Variants in GMEB2 observed in about 807,000 individuals in gnomAD.
GMEB2 encodes glucocorticoid modulatory element-binding protein 2.
A neutral mutation model predicts 45.7 loss-of-function variants in GMEB2; 7 were observed. The observed-to-expected ratio is 0.15, with a 90% CI of 0.09 to 0.29. GMEB2 has a LOEUF of 0.29. GMEB2 is among the 10% of genes least tolerant of loss of function. The probability of loss-of-function intolerance (pLI) is 1.00; values close to 1 mark genes in which losing one functional copy is unlikely to be tolerated. For missense variants in GMEB2, 582 were observed against 739.2 expected (o/e 0.79, Z 2.47); for synonymous variants, 322 against 323.6 (o/e 1.00, Z 0.05).
At chr20:63,601,806 GGCCTGTGGCTTCTGTGCT>G (rs1569052187) in intron 4 of GMEB2, among the ~76,000 whole-genome samples, 4 of 149,004 alleles carry the variant, frequency 2.7e-5, no homozygotes, top group East Asian at 2.0e-4. Flanking sequence ...GCTTCTGTGG[GGCCTGTGGCTTCTGTGCT>G]GCCTGTGGCT....
At chr20:63,616,979 T>G (rs1164419581) in intron 2 of GMEB2, among the ~76,000 whole-genome samples, 3 of 142,840 alleles carry the variant, frequency 2.1e-5, no homozygotes, top group Admixed American at 1.4e-4. Flanking sequence ...CTTCTGGTGG[T>G]TTTTTTTTTT....
At chr20:63,595,245 A>C (rs2083184796) in intron 6 of GMEB2, among the ~76,000 whole-genome samples, 1 of 36,848 alleles carries the variant, frequency 2.7e-5, no homozygotes, top group African/African-American at 1.1e-4. Context: ...CCAGGTCAGG[A>C]GGGAAGCGGG....
intron 5 of GMEB2, among the ~76,000 whole-genome samples, chr20:63,596,702 T>C (rs1459165598): frequency 6.6e-6 from 1 of 152,172 alleles, no homozygotes; most frequent in African/African-American, 2.4e-5. Flanking sequence ...CCACAAAGAC[T>C]GAGACTGAGG....
At chr20:63,597,918 C>A in intron 4 of GMEB2, 58 bp from the exon 5 acceptor site, 1 of 966,662 alleles carries the variant, frequency 1.0e-6, no homozygotes, top group South Asian at 1.3e-5. Context: ...TAGGGTGCCC[C>A]CATCTCCCAT....
At chr20:63,606,566 C>A (rs1269417383) in intron 2 of GMEB2, among the ~76,000 whole-genome samples, 1 of 152,154 alleles carries the variant, frequency 6.6e-6, no homozygotes, top group Non-Finnish European at 1.5e-5. Context: ...CCAGGATGGT[C>A]TCGATCTCCT....
Position 63,619,251 on chromosome 20 carries a change from C to G in GMEB2, c.131+16G>C. On this transcript the variant is annotated intron_variant, in intron 2 of 9. Coordinates refer to ENST00000370077, the MANE Select transcript of GMEB2 (RefSeq NM_012384.5). This position sits in a 1 kb window ranked among gnomAD's most constrained non-coding sequence, Gnocchi z 4.6. ...AAGCCCCCATCAGCCCCAATGGCAC[C>G]GAGGCCCGAGCTTACCCGTGAGGGG... The G allele has an allele frequency of 6.3e-7, 1 of 1,599,030 alleles. No homozygotes were observed. The highest frequency in any genetic ancestry group is 8.5e-7 in the Non-Finnish European group (1 of 1,174,224).
At position 63,589,430 on chromosome 20, in the gene GMEB2, C is replaced by T. The variant is rs150366399; in HGVS notation, c.*659G>A. On this transcript the variant is annotated 3_prime_UTR_variant, in exon 10 of 10. Coordinates refer to ENST00000370077, the MANE Select transcript of GMEB2 (RefSeq NM_012384.5). ...GTGCAACAATGCCTGGACCACGCCT[C>T]GTCTGTGCGGCCCCTGGGCCACCTG... 3.0e-4 allele frequency: 107 copies of T among 361,474 alleles called. 2 individuals carry two copies. Among genetic ancestry groups the T allele is most frequent in the Admixed American group, 1.7e-3 (37 of 21,390 alleles). The allele number at this position is 361,474 out of a possible 1,614,324, so 22.4% of individuals were successfully genotyped here.
At chr20:63,606,730 T>A (rs6122134) in intron 2 of GMEB2, among the ~76,000 whole-genome samples, 76,745 of 152,122 alleles carry the variant, frequency 0.5, 20,483 homozygotes, top group Middle Eastern at 0.66. Context: ...TATTTCCTGA[T>A]ATGACATAAA....
In GMEB2 at chr20:63,619,168, A is replaced by C. The variant is rs1317744485; in HGVS notation, c.131+99T>G. 9.0e-6 allele frequency: 11 copies of C among 1,225,680 alleles called. No homozygotes were observed. Among genetic ancestry groups the C allele is most frequent in the Non-Finnish European group, 5.5e-6 (5 of 904,868 alleles). 75.9% of individuals were successfully genotyped at this position (1,225,680 alleles called of 1,614,324 possible). On this transcript the variant is annotated intron_variant, in intron 2 of 9. Transcript: ENST00000370077. This position sits in a 1 kb window ranked among gnomAD's most constrained non-coding sequence, Gnocchi z 4.6. ...TCTCAGAAGAACTGGAACTAGAAAA[A>C]TCCTGACACTTGTCCCTTACTACGT... is the stretch of plus-strand genomic sequence containing the variant.
chr20:63,602,411 G>T (rs4809311), intron 4 of GMEB2, among the ~76,000 whole-genome samples: 76,743 of 152,058 alleles, frequency 0.5, 20,478 homozygotes, highest in Middle Eastern at 0.66. Context: ...CTCCAGCCCT[G>T]CAAGGCTGGG....
At chr20:63,597,622 G>A in intron 5 of GMEB2, 135 bp downstream of exon 5, 1 of 627,124 alleles carries the variant, frequency 1.6e-6, no homozygotes, top group Non-Finnish European at 2.9e-6. Context: ...AGCAGGTGCA[G>A]CAGCCACCCG....
Position 63,593,112 on chromosome 20 carries a change from G to C in GMEB2, c.620-30C>G, listed in dbSNP as rs1432268657. 6.8e-7 allele frequency: 1 copy of C among 1,462,476 alleles called. No individual in the cohort carries two copies. Among genetic ancestry groups the C allele is most frequent in the East Asian group, 2.3e-5 (1 of 43,794 alleles). 90.6% of individuals were successfully genotyped at this position (1,462,476 alleles called of 1,614,324 possible). A position where few individuals can be genotyped will look rare whatever the true frequency, so the allele number is the denominator to read the frequency against. ...AGCCGAAAGGGAACCTCGGGTGAGT[G>C]CTGTTTGGACCACAGTCCCACACCC... On this transcript the variant is annotated intron_variant, in intron 6 of 9. Transcript: ENST00000370077. The surrounding 1 kb of genome is among the most constrained non-coding windows in gnomAD (Gnocchi z 4.7).
intron 2 of GMEB2, among the ~76,000 whole-genome samples, chr20:63,616,609 G>A (rs1226520306): frequency 2.0e-5 from 3 of 152,242 alleles, no homozygotes; most frequent in Admixed American, 1.3e-4. Context: ...GAGGCTGGCC[G>A]TGGGGAGATG....
rs917424646 is a variant in GMEB2, at chr20:63,595,844, G to A, written c.462-77C>T. ...ACCTGGCCCGCCCACCCTGACCTGG[G>A]CCATCCACCTGCGTGGGGCAGGCCT... is the stretch of plus-strand genomic sequence containing the variant. On this transcript the variant is annotated intron_variant, in intron 5 of 9. Transcript: ENST00000370077. 71 of 1,376,970 alleles carry A rather than the reference G, an allele frequency of 5.2e-5. 1 individual carries two copies. In the Admixed American group the frequency reaches 9.3e-4, roughly 18 times the overall value. 85.3% of individuals were successfully genotyped at this position (1,376,970 alleles called of 1,614,324 possible). A position where few individuals can be genotyped will look rare whatever the true frequency, so the allele number is the denominator to read the frequency against.
At chr20:63,591,885 C>G in intron 9 of GMEB2, 137 bp downstream of exon 9, 1 of 672,306 alleles carries the variant, frequency 1.5e-6, no homozygotes, top group Non-Finnish European at 2.5e-6. Context: ...CCTCGCACAA[C>G]AGCAGTGCGG....
intron 2 of GMEB2, among the ~76,000 whole-genome samples, chr20:63,618,751 G>A (rs2089625606): frequency 1.3e-5 from 2 of 152,156 alleles, no homozygotes; most frequent in Non-Finnish European, 2.9e-5. Context: ...GCAGAGGCAG[G>A]AGTGACACCG....
intron 2 of GMEB2, among the ~76,000 whole-genome samples, chr20:63,618,519 G>A (rs1049789059): frequency 6.6e-6 from 1 of 152,162 alleles, no homozygotes; most frequent in Non-Finnish European, 1.5e-5. Context: ...ACCGCACAGG[G>A]GTTGGCAGTC....
Position 63,593,094 on chromosome 20 carries a change from A to C in GMEB2, c.620-12T>G, listed in dbSNP as rs758886201. The C allele has an allele frequency of 6.3e-7, 1 of 1,589,476 alleles. No homozygotes were observed. The highest frequency in any genetic ancestry group is 8.6e-7 in the Non-Finnish European group (1 of 1,159,574). On this transcript the variant is annotated splice_polypyrimidine_tract_variant and intron_variant, in intron 6 of 9. Coordinates refer to ENST00000370077, the MANE Select transcript of GMEB2 (RefSeq NM_012384.5). This position sits in a 1 kb window ranked among gnomAD's most constrained non-coding sequence, Gnocchi z 4.7. Reference sequence around the variant, plus strand: ...AGGAGACCCATTCACTGCAGCCGAAAGGGAACCTCGGGTGAGTGCTGTTTG... The same window carrying C: ...AGGAGACCCATTCACTGCAGCCGAACGGGAACCTCGGGTGAGTGCTGTTTG...
chr20:63,598,606 C>T (rs1311771674), intron 4 of GMEB2, among the ~76,000 whole-genome samples: 2 of 152,168 alleles, frequency 1.3e-5, no homozygotes, highest in African/African-American at 4.8e-5. Context: ...GCCGCCTCCA[C>T]CCCCGGGCCG....
Sources: allele counts gnomAD v4.1 joint callset (sites outside exome capture counted in the v4.1 genomes callset), GRCh38; gene constraint gnomAD v4.1.1; non-coding constraint Gnocchi (gnomAD v3.1); transcripts MANE v1.5; gene names NCBI Gene and HGNC (gene_info 2026-07-23, HGNC 2026-07-21).